The following VMP1 variants were observed in gnomAD, a reference collection of about 807,000 sequenced individuals.
VMP1 encodes the protein vacuole membrane protein 1, also known as ectopic P-granules autophagy protein 3 homolog.
A neutral mutation model predicts 56.0 loss-of-function variants in VMP1; 11 were observed. That is an observed-to-expected ratio of 0.20 (90% confidence interval 0.12 to 0.32). The LOEUF (loss-of-function observed/expected upper bound fraction) is 0.32. Among genes scored for constraint, VMP1 ranks in the 10% least tolerant of loss-of-function variants. The pLI is 1.00. For synonymous variants in VMP1, 149 were observed against 165.0 expected, an observed-to-expected ratio of 0.90 and a Z score of 0.74; for missense variants, 296 against 490.3, an observed-to-expected ratio of 0.60 and a Z score of 3.74.
intron 7 of VMP1, among the ~76,000 whole-genome samples, chr17:59,778,427 C>A (rs917645440): frequency 6.6e-6 from 1 of 151,814 alleles, no homozygotes; most frequent in African/African-American, 2.4e-5. Flanking sequence ...CCTGTAGTCC[C>A]AGCTACTTGG....
In VMP1 at chr17:59,737,482, CT is replaced by C; in HGVS notation, c.248del (p.Leu83TyrfsTer8). On this transcript the variant is annotated frameshift_variant, in exon 4 of 12. Coordinates refer to ENST00000262291, the MANE Select transcript of VMP1 (RefSeq NM_030938.5). LOFTEE classifies it high-confidence loss of function. ...TGGCATCGTCAAAGCATTGTGGTGT[CT>C]TTTTTACTGCTGCTTGCTGTGCTTA... ...KLWHRQSIVVSFLLLLAVLIA... is the reference protein window; with the variant it reads ...KLWHRQSIVVXFLLLLAVLIA... The C allele has an allele frequency of 1.2e-6, 2 of 1,611,446 alleles. No individual in the cohort carries two copies.
At chr17:59,714,675 G>C (rs1455315300) in intron 1 of VMP1, among the ~76,000 whole-genome samples, 1 of 151,944 alleles carries the variant, frequency 6.6e-6, no homozygotes, top group Non-Finnish European at 1.5e-5. Context: ...GGTGCAGGGA[G>C]AGGGCTTTGA....
intron 9 of VMP1, among the ~76,000 whole-genome samples, chr17:59,816,121 TG>T (rs779993538): frequency 1.2e-4 from 18 of 152,322 alleles, no homozygotes; most frequent in Non-Finnish European, 2.6e-4. Flanking sequence ...ACACATTTTT[TG>T]TCTAACCCAG....
intron 1 of VMP1, among the ~76,000 whole-genome samples, chr17:59,721,402 T>G (rs2034391500): frequency 6.6e-6 from 1 of 152,166 alleles, no homozygotes; most frequent in African/African-American, 2.4e-5. Context: ...TGCAAATTAT[T>G]TAACCTAAAA....
At chr17:59,712,755 A>G (rs901946812) in intron 1 of VMP1, among the ~76,000 whole-genome samples, 13 of 152,234 alleles carry the variant, frequency 8.5e-5, no homozygotes, top group African/African-American at 2.7e-4. Context: ...GGCCAAGGGA[A>G]TGAGTTTGAA....
chr17:59,768,431 C>G (rs1191013972), intron 6 of VMP1, among the ~76,000 whole-genome samples: 2 of 150,746 alleles, frequency 1.3e-5, no homozygotes, highest in African/African-American at 4.9e-5. Context: ...GGTGAAACCC[C>G]ATCTCTACTG....
intron 10 of VMP1, among the ~76,000 whole-genome samples, chr17:59,828,449 G>A (rs1280814556): frequency 1.3e-5 from 2 of 152,194 alleles, no homozygotes; most frequent in Non-Finnish European, 2.9e-5. Flanking sequence ...CAGCCAGAAA[G>A]AAACCCATGG....
At chr17:59,722,110 A>G (rs1484711255) in intron 1 of VMP1, among the ~76,000 whole-genome samples, 1 of 152,208 alleles carries the variant, frequency 6.6e-6, no homozygotes, top group Non-Finnish European at 1.5e-5. Flanking sequence ...TTACCTTCTT[A>G]AAGGCAGTAT....
intron 1 of VMP1, among the ~76,000 whole-genome samples, chr17:59,713,477 A>G (rs1297661826): frequency 1.3e-5 from 2 of 151,974 alleles, no homozygotes; most frequent in African/African-American, 4.8e-5. Flanking sequence ...AAATACAAAT[A>G]CGGGATAGTA....
intron 10 of VMP1, among the ~76,000 whole-genome samples, chr17:59,818,667 G>A (rs531211494): frequency 3.9e-4 from 60 of 152,244 alleles, no homozygotes; most frequent in African/African-American, 1.4e-3. Context: ...CTACGAGGGA[G>A]GCGGAGGTTG....
chr17:59,755,865 A>C (rs1293879563), intron 5 of VMP1, among the ~76,000 whole-genome samples: 1 of 151,884 alleles, frequency 6.6e-6, no homozygotes, highest in African/African-American at 2.4e-5. Context: ...CAGCCTCCCA[A>C]GTAGCTGGGA....
intron 5 of VMP1, among the ~76,000 whole-genome samples, chr17:59,763,037 G>T (rs981324419): frequency 2.6e-5 from 4 of 152,124 alleles, no homozygotes; most frequent in Non-Finnish European, 5.9e-5. Context: ...AAAGAGGACA[G>T]TAACATGGGG....
chr17:59,768,004 G>T (rs2036290866), intron 6 of VMP1, among the ~76,000 whole-genome samples: 1 of 151,926 alleles, frequency 6.6e-6, no homozygotes, highest in Non-Finnish European at 1.5e-5. Context: ...CAGTGACTTG[G>T]GAGGCTGAGG....
At chr17:59,734,605 C>T (rs1457907318) in intron 2 of VMP1, among the ~76,000 whole-genome samples, 3 of 152,118 alleles carry the variant, frequency 2.0e-5, no homozygotes, top group African/African-American at 7.2e-5. Context: ...CGGTGGTACA[C>T]ACCTGTAGTC....
intron 5 of VMP1, among the ~76,000 whole-genome samples, chr17:59,747,686 C>A (rs1436286148): frequency 1.3e-5 from 2 of 151,092 alleles, no homozygotes; most frequent in Non-Finnish European, 2.9e-5. Flanking sequence ...GCTAGGATTA[C>A]AGACATGAGC....
chr17:59,802,598 T>G (rs2037710960), intron 7 of VMP1, among the ~76,000 whole-genome samples: 1 of 152,170 alleles, frequency 6.6e-6, no homozygotes, highest in Non-Finnish European at 1.5e-5. Context: ...TTTCATTTTT[T>G]TATGTCGCCC....
chr17:59,840,111 A>C lies in VMP1; in HGVS notation c.*200A>C. The C allele has an allele frequency of 3.5e-6, 2 of 576,228 alleles. No homozygotes were observed. The highest frequency in any genetic ancestry group is 2.4e-5 in the South Asian group (1 of 41,136). The allele number at this position is 576,228 out of a possible 1,614,324, so 35.7% of individuals were successfully genotyped here. On this transcript the variant is annotated 3_prime_UTR_variant, in exon 12 of 12. Transcript: ENST00000262291. Reference sequence around the variant, plus strand: ...AAGGTAAGGTATCCACCCTCGATGCAATCCACCTTGTGTTTTCTTAGGGTG... The same window carrying C: ...AAGGTAAGGTATCCACCCTCGATGCCATCCACCTTGTGTTTTCTTAGGGTG...
rs748649391 is a variant in VMP1, at chr17:59,811,650, CCTT to C, written c.796-16_796-14del. The C allele has an allele frequency of 3.9e-6, 6 of 1,530,892 alleles. No homozygotes were observed. Among genetic ancestry groups the C allele is most frequent in the Admixed American group, 1.8e-5 (1 of 56,996 alleles). The allele number at this position is 1,530,892 out of a possible 1,614,324, so 94.8% of individuals were successfully genotyped here. On this transcript the variant is annotated splice_polypyrimidine_tract_variant and intron_variant, in intron 8 of 11. Transcript: ENST00000262291. ...GTTCTTTGGATTATAATATGGAAGT[CCTT>C]CTTTTTCTCTCTATAGATTCCAAAT...
chr17:59,833,533 T>C (rs2038883470), intron 10 of VMP1, among the ~76,000 whole-genome samples: 1 of 152,152 alleles, frequency 6.6e-6, no homozygotes, highest in Non-Finnish European at 1.5e-5. Context: ...AATAAAACTT[T>C]TAACCTCTTG....
Sources: gnomAD v4.1 joint callset for allele counts (sites outside exome capture counted in the v4.1 genomes callset) on GRCh38, gnomAD v4.1.1 for gene constraint, MANE v1.5 for transcripts, NCBI Gene and HGNC (gene_info 2026-07-23, HGNC 2026-07-21) for gene names.